Variants in NKAIN2 observed in about 807,000 individuals in gnomAD.
NKAIN2 encodes sodium/potassium transporting ATPase interacting 2.
A neutral mutation model predicts 32.6 loss-of-function variants in NKAIN2; 14 were observed. That is an observed-to-expected ratio of 0.43 (90% CI 0.28 to 0.67). The LOEUF (loss-of-function observed/expected upper bound fraction) is 0.67, where lower values mean the gene tolerates loss of function less well. Among genes scored for constraint, NKAIN2 ranks in the 30% least tolerant of loss-of-function variants. The pLI is 0.17. For missense variants in NKAIN2, 198 were observed against 258.3 expected, an observed-to-expected ratio of 0.77 and a Z score of 1.60; for synonymous variants, 80 against 87.2, an observed-to-expected ratio of 0.92 and a Z score of 0.46.
intron 1 of NKAIN2, among the ~76,000 whole-genome samples, chr6:124,094,498 G>C (rs1409101244): frequency 6.6e-6 from 1 of 152,104 alleles, no homozygotes; most frequent in African/African-American, 2.4e-5. Flanking sequence ...CACATGTTAG[G>C]TGCTTTTCTT....
chr6:124,328,169 A>G (rs939713889), intron 2 of NKAIN2, among the ~76,000 whole-genome samples: 1 of 152,200 alleles, frequency 6.6e-6, no homozygotes. Context: ...GCCTGGATGT[A>G]CTATACTGCA....
At chr6:124,029,358 G>T (rs1191489677) in intron 1 of NKAIN2, among the ~76,000 whole-genome samples, 1 of 146,438 alleles carries the variant, frequency 6.8e-6, no homozygotes, top group Non-Finnish European at 1.5e-5. Context: ...TGGACTCGTA[G>T]GAAAAAAATA....
intron 1 of NKAIN2, among the ~76,000 whole-genome samples, chr6:123,807,254 C>A (rs1773256621): frequency 1.3e-5 from 2 of 151,974 alleles, no homozygotes; most frequent in Admixed American, 6.6e-5. Context: ...AAAACTGTTT[C>A]CATATATATC....
At chr6:124,126,307 T>C (rs777479549) in intron 1 of NKAIN2, among the ~76,000 whole-genome samples, 3 of 152,200 alleles carry the variant, frequency 2.0e-5, no homozygotes, top group Non-Finnish European at 4.4e-5. Flanking sequence ...TATGCCACAG[T>C]TCCCTAGTCC....
chr6:124,131,287 G>T (rs1176110088), intron 1 of NKAIN2, among the ~76,000 whole-genome samples: 1 of 152,092 alleles, frequency 6.6e-6, no homozygotes. Flanking sequence ...TAAGACTATA[G>T]GTGCATGCCG....
intron 4 of NKAIN2, among the ~76,000 whole-genome samples, chr6:124,685,215 G>A (rs886968338): frequency 3.9e-5 from 6 of 151,980 alleles, no homozygotes; most frequent in African/African-American, 1.4e-4. Flanking sequence ...GTAAACATGT[G>A]GAAGGTCACT....
chr6:123,929,308 G>A (rs1776147305), intron 1 of NKAIN2, among the ~76,000 whole-genome samples: 1 of 152,052 alleles, frequency 6.6e-6, no homozygotes, highest in African/African-American at 2.4e-5. Flanking sequence ...TGGCTTTTTG[G>A]ATGGGTGTCC....
intron 3 of NKAIN2, among the ~76,000 whole-genome samples, chr6:124,441,771 C>T (rs1166362517): frequency 6.6e-6 from 1 of 152,004 alleles, no homozygotes; most frequent in Non-Finnish European, 1.5e-5. Context: ...GTTTTCTGTG[C>T]AGCGATAAAT....
At chr6:123,817,353 C>T (rs1773736694) in intron 1 of NKAIN2, among the ~76,000 whole-genome samples, 1 of 152,160 alleles carries the variant, frequency 6.6e-6, no homozygotes, top group Non-Finnish European at 1.5e-5. Context: ...CCCGTTTTGA[C>T]AACCAAAGTG....
rs56389666 is a variant in NKAIN2 at position 124,290,510 on chromosome 6, ATGTGTGTGTGTGTGTGTG to A, written c.192+7393_192+7410del. On this transcript the variant is annotated intron_variant, in intron 2 of 6. Transcript: ENST00000368417. Reference sequence around the variant, plus strand: ...TAGTTCTTCTGGGGTTACCTCAGAAATGTGTGTGTGTGTGTGTGTGTGTGTGTGTGTGTGTGTGTGTGC... The same window carrying A: ...TAGTTCTTCTGGGGTTACCTCAGAAATGTGTGTGTGTGTGTGTGTGTGTGC... 1.4e-4 allele frequency among the ~76,000 whole-genome samples: 19 copies of A among 137,874 alleles called. No individual in the cohort carries two copies. In the East Asian group the frequency reaches 3.9e-3, roughly 29 times the overall value. The allele number at this position is 137,874 out of a possible 152,430, so 90.5% of individuals were successfully genotyped here.
intron 4 of NKAIN2, among the ~76,000 whole-genome samples, chr6:124,741,323 T>C (rs1299450873): frequency 6.6e-6 from 1 of 151,836 alleles, no homozygotes; most frequent in East Asian, 1.9e-4. Flanking sequence ...CTAAGAATTA[T>C]GAGAGTGAAT....
intron 4 of NKAIN2, among the ~76,000 whole-genome samples, chr6:124,745,198 A>G (rs993521819): frequency 1.3e-5 from 2 of 151,930 alleles, no homozygotes; most frequent in African/African-American, 4.8e-5. Flanking sequence ...AACTAGATCA[A>G]AATGGGAAAA....
intron 1 of NKAIN2, among the ~76,000 whole-genome samples, chr6:123,864,533 G>C (rs1433594228): frequency 1.3e-5 from 2 of 152,176 alleles, no homozygotes; most frequent in African/African-American, 4.8e-5. Context: ...CAAGAGGATA[G>C]TTAGAGATGT....
chr6:124,180,907 T>A (rs958806252), intron 1 of NKAIN2, among the ~76,000 whole-genome samples: 1 of 152,160 alleles, frequency 6.6e-6, no homozygotes, highest in Non-Finnish European at 1.5e-5. Flanking sequence ...ATGGTGGCCC[T>A]CTTTTCACAG....
At chr6:124,800,807 G>T (rs1780221549) in intron 5 of NKAIN2, among the ~76,000 whole-genome samples, 1 of 152,152 alleles carries the variant, frequency 6.6e-6, no homozygotes, top group African/African-American at 2.4e-5. Context: ...AGTGGGGTTG[G>T]CAGGGGCAGG....
chr6:123,933,006 C>G (rs1776326823), intron 1 of NKAIN2, among the ~76,000 whole-genome samples: 1 of 152,128 alleles, frequency 6.6e-6, no homozygotes, highest in South Asian at 2.1e-4. Context: ...ACATACCTAT[C>G]TCCTCAAAAT....
At chr6:123,968,184 G>C (rs1223400742) in intron 1 of NKAIN2, among the ~76,000 whole-genome samples, 2 of 152,142 alleles carry the variant, frequency 1.3e-5, no homozygotes, top group African/African-American at 4.8e-5. Context: ...GTGAGGCAGG[G>C]GGAAAAGAAA....
chr6:124,627,816 C>G (rs1783412746), intron 3 of NKAIN2, among the ~76,000 whole-genome samples: 1 of 152,102 alleles, frequency 6.6e-6, no homozygotes, highest in African/African-American at 2.4e-5. Flanking sequence ...CTCACCACCC[C>G]CACGGCGACA....
chr6:124,426,682 A>G (rs1774995112), intron 3 of NKAIN2, among the ~76,000 whole-genome samples: 1 of 152,114 alleles, frequency 6.6e-6, no homozygotes, highest in African/African-American at 2.4e-5. Flanking sequence ...GAACAAGCAT[A>G]CTGATATGGT....
Sources: allele counts gnomAD v4.1 joint callset (sites outside exome capture counted in the v4.1 genomes callset), GRCh38; gene constraint gnomAD v4.1.1; transcripts MANE v1.5; gene names NCBI Gene and HGNC (gene_info 2026-07-23, HGNC 2026-07-21).